Variants in ITPR3 observed in about 807,000 individuals in gnomAD.
ITPR3 encodes inositol 1,4,5-trisphosphate-gated calcium channel ITPR3.
Under a neutral mutation model 293.2 loss-of-function variants are expected in ITPR3, and 173 were observed. That is an observed-to-expected ratio of 0.59 (90% CI 0.52 to 0.67). The LOEUF (loss-of-function observed/expected upper bound fraction) is 0.67, where lower values mean the gene tolerates loss of function less well. Among genes scored for constraint, ITPR3 ranks in the 30% least tolerant of loss-of-function variants. The pLI is 0.00. For missense variants in ITPR3, 2,796 were observed against 3,592.1 expected (o/e 0.78, Z 5.66); for synonymous variants, 1,295 against 1,444.4 (o/e 0.90, Z 2.35).
rs1764552310 is a variant in ITPR3 at position 33,664,232 on chromosome 6, C to T, written c.1148+352C>T. Among the ~76,000 whole-genome samples the T allele has an allele frequency of 6.6e-6, 1 of 152,164 alleles. No individual in the cohort carries two copies. The highest frequency in any genetic ancestry group is 2.1e-4 in the South Asian group (1 of 4,814). Reference sequence around the variant, plus strand: ...CCAACCCCGAGATTCTAGGACGGAACATCAAGAAACTTCTCAAGTGTCAGT... The same window carrying T: ...CCAACCCCGAGATTCTAGGACGGAATATCAAGAAACTTCTCAAGTGTCAGT... On this transcript the variant is annotated intron_variant, in intron 11 of 57. Coordinates refer to ENST00000605930, the MANE Select transcript of ITPR3 (RefSeq NM_002224.4). This position sits in a 1 kb window ranked among gnomAD's most constrained non-coding sequence, Gnocchi z 4.4.
rs910197851 is a variant in ITPR3 at position 33,688,189 on chromosome 6, G to A, written c.6375+22G>A. On this transcript the variant is annotated intron_variant, in intron 47 of 57. Coordinates refer to ENST00000605930, the MANE Select transcript of ITPR3 (RefSeq NM_002224.4). ...CGAGGTGGGCCTGTGGGCAGCAGGG[G>A]CGGGCGTGGGAGCCTGCGCCGGGCG... 5 of 1,613,778 alleles carry A rather than the reference G, an allele frequency of 3.1e-6. No homozygotes were observed. The African/African-American group carries it at 6.7e-5, about 22-fold the overall frequency.
rs1351510100 is a variant in ITPR3 at position 33,683,615 on chromosome 6, C to T, written c.4788+218C>T. Among the ~76,000 whole-genome samples the T allele has an allele frequency of 6.6e-6, 1 of 152,190 alleles. No individual in the cohort carries two copies. The highest frequency in any genetic ancestry group is 1.5e-5 in the Non-Finnish European group (1 of 68,020). ...CCTTCCAGAGGAAGCCTGGAGAACC[C>T]AGAGGCCTGCTAGTGGGGTTGGAGC... On this transcript the variant is annotated intron_variant, in intron 35 of 57. Transcript: ENST00000605930. The surrounding 1 kb of genome is among the most constrained non-coding windows in gnomAD (Gnocchi z 4.5).
chr6:33,684,883 C>G lies in ITPR3; in HGVS notation c.5247C>G (p.Ile1749Met). 6.2e-7 allele frequency: 1 copy of G among 1,614,098 alleles called. No individual in the cohort carries two copies. ...DLITSTKNEK[I>M]FQESIGLAIH... ...TCACCAGCACCAAGAACGAGAAGAT[C>G]TTCCAGGAGAGCATCGGCCTGGCCA... The change falls in exon 39 of 58, where the codon ATC (isoleucine) becomes ATG (methionine). Residue 1749 changes from isoleucine to methionine, a missense_variant. This residue lies in a region of ITPR3 where 704 missense variants were observed against 797.5 expected (regional missense o/e 0.88). Transcript: ENST00000605930. The surrounding 1 kb of genome is among the most constrained non-coding windows in gnomAD (Gnocchi z 4.2).
intron 2 of ITPR3, among the ~76,000 whole-genome samples, chr6:33,652,180 C>T (rs544161668): frequency 6.6e-6 from 1 of 152,290 alleles, no homozygotes; most frequent in Admixed American, 6.5e-5. Context: ...TCTAGATGCG[C>T]CATATCCTCT....
Position 33,678,673 on chromosome 6 carries a change from T to C in ITPR3, c.3806T>C (p.Leu1269Pro). 6.2e-7 allele frequency: 1 copy of C among 1,613,058 alleles called. No individual in the cohort carries two copies. The highest frequency in any genetic ancestry group is 8.5e-7 in the Non-Finnish European group (1 of 1,179,802). Reference protein sequence around the residue: ...LEAETMQHIFLNNYQLCSEIS... With the variant: ...LEAETMQHIFPNNYQLCSEIS... ...GCAGAGACCATGCAGCACATCTTCC[T>C]GAACAACTATCAGCTCTGCTCCGAG... is the stretch of plus-strand genomic sequence containing the variant. Residue 1269 changes from leucine (L) to proline (P), a missense_variant, in exon 30 of 58, where the codon CTG (leucine) becomes CCG (proline). By Grantham distance (98) the Leu-to-Pro change is moderately conservative (BLOSUM62 -3). Transcript: ENST00000605930.
At chr6:33,634,291 G>T (rs896309162) in intron 1 of ITPR3, among the ~76,000 whole-genome samples, 1 of 152,102 alleles carries the variant, frequency 6.6e-6, no homozygotes. Flanking sequence ...AAACAAGGAA[G>T]GCAAGGTGGC....
intron 1 of ITPR3, among the ~76,000 whole-genome samples, chr6:33,627,900 C>G (rs115764492): frequency 0.01 from 1,550 of 152,292 alleles, 17 homozygotes; most frequent in African/African-American, 0.026. Context: ...TTGGCTCAGC[C>G]TAGAACCAGT....
chr6:33,650,042 G>A (rs1764151986), intron 2 of ITPR3, among the ~76,000 whole-genome samples: 1 of 152,092 alleles, frequency 6.6e-6, no homozygotes, highest in Non-Finnish European at 1.5e-5. Flanking sequence ...ACACACCCCG[G>A]GACACACAAT....
At chr6:33,677,436 T>C in intron 27 of ITPR3, 68 bp from the exon 28 acceptor site, 3 of 1,588,826 alleles carry the variant, frequency 1.9e-6, no homozygotes, top group Non-Finnish European at 2.6e-6. Flanking sequence ...AACTTGGCTG[T>C]GGTGGGCTGG....
At chr6:33,674,135 G>A (rs1209039494) in intron 23 of ITPR3, 73 bp from the exon 24 acceptor site, 7 of 1,559,664 alleles carry the variant, frequency 4.5e-6, no homozygotes, top group African/African-American at 2.7e-5. Context: ...AGGGTGGTTT[G>A]AGTGTCTCCC....
In ITPR3 at chr6:33,669,134, G is replaced by A. The variant is rs778326328; in HGVS notation, c.2167G>A (p.Glu723Lys). Residue 723 changes from glutamate (E) to lysine (K), a missense_variant, in exon 18 of 58, where the codon GAG becomes AAG. Transcript: ENST00000605930. The stretch of plus-strand genomic sequence containing the variant: ...GGCGCGGGCCGGCAACGCCCACGAC[G>A]AGAATGTGCTCAGCTACTACAGGTG... ...QEARAGNAHD[E>K]NVLSYYRYQL... The A allele has an allele frequency of 8.7e-6, 14 of 1,613,946 alleles. No homozygotes were observed. The highest frequency in any genetic ancestry group is 1.3e-5 in the African/African-American group (1 of 75,052).
Position 33,689,427 on chromosome 6 carries a change from GC to G in ITPR3, c.6867+22del. On this transcript the variant is annotated intron_variant, in intron 50 of 57. Transcript: ENST00000605930. ...GCCCTCAATGTGAGTGCCAGAGGGA[GC>G]CCCCATTCCCAAACAAGCTCATGCT... The G allele has an allele frequency of 6.2e-7, 1 of 1,602,282 alleles. No individual in the cohort carries two copies.
chr6:33,664,084 G>A lies in ITPR3; in HGVS notation c.1148+204G>A, dbSNP rs190234922. On this transcript the variant is annotated intron_variant, in intron 11 of 57. Transcript: ENST00000605930. This position sits in a 1 kb window ranked among gnomAD's most constrained non-coding sequence, Gnocchi z 4.4. Reference sequence around the variant, plus strand: ...ATTGCATGCCTGCCTGGTGCCTGGCGCCTGCCCCAGTTGGTCTGGGTGCTC... The same window carrying A: ...ATTGCATGCCTGCCTGGTGCCTGGCACCTGCCCCAGTTGGTCTGGGTGCTC... Among the ~76,000 whole-genome samples, 32 of 152,246 alleles carry A rather than the reference G, an allele frequency of 2.1e-4. No homozygotes were observed. The highest frequency in any genetic ancestry group is 7.0e-4 in the African/African-American group (29 of 41,556).
intron 1 of ITPR3, among the ~76,000 whole-genome samples, chr6:33,623,963 A>C (rs1489635565): frequency 6.6e-6 from 1 of 152,148 alleles, no homozygotes; most frequent in Non-Finnish European, 1.5e-5. Context: ...TCACCTTCCC[A>C]TACCTGGAAC....
In ITPR3 at chr6:33,666,218, G is replaced by A. The variant is rs1764606186; in HGVS notation, c.1551+242G>A. ...AGCTGAAACACAGGCCAGAGTCGCT[G>A]TCCCAGGGCTCACAGCTAGGAAGCG... is the stretch of plus-strand genomic sequence containing the variant. On this transcript the variant is annotated intron_variant, in intron 14 of 57. Coordinates refer to ENST00000605930, the MANE Select transcript of ITPR3 (RefSeq NM_002224.4). The surrounding 1 kb of genome is among the most constrained non-coding windows in gnomAD (Gnocchi z 5.1). Among the ~76,000 whole-genome samples, 1 of 151,878 alleles carries A rather than the reference G, an allele frequency of 6.6e-6. No homozygotes were observed. The highest frequency in any genetic ancestry group is 6.6e-5 in the Admixed American group (1 of 15,256).
At position 33,654,017 on chromosome 6, in the gene ITPR3, C is replaced by CA. The variant is rs1764251824; in HGVS notation, c.161-1748dup. On this transcript the variant is annotated intron_variant, in intron 2 of 57. Transcript: ENST00000605930. This position sits in a 1 kb window ranked among gnomAD's most constrained non-coding sequence, Gnocchi z 4.1. ...GCGTGGTGGCTCACGCCTGTAATCC[C>CA]AGCACTTTTGTAGGCCGAAGTGGGT... Among the ~76,000 whole-genome samples the CA allele has an allele frequency of 6.6e-6, 1 of 152,298 alleles. No individual in the cohort carries two copies. The highest frequency in any genetic ancestry group is 2.1e-4 in the South Asian group (1 of 4,830).
intron 2 of ITPR3, among the ~76,000 whole-genome samples, chr6:33,643,150 T>A (rs184247175): frequency 6.4e-4 from 97 of 152,210 alleles, no homozygotes; most frequent in South Asian, 1.9e-3. Flanking sequence ...GGGGGTGGGG[T>A]TATGGCAGGC....
chr6:33,683,717 G>C lies in ITPR3; in HGVS notation c.4789-303G>C, dbSNP rs1014547889. 6.6e-6 allele frequency among the ~76,000 whole-genome samples: 1 copy of C among 152,202 alleles called. No individual in the cohort carries two copies. The highest frequency in any genetic ancestry group is 1.5e-5 in the Non-Finnish European group (1 of 68,032). ...GCAGCACATTTCTGTGCGCTGTCTCGTTGGCCTGTAGAGGGGGTGTGGTGG... is the reference window on the plus strand; with the variant it reads ...GCAGCACATTTCTGTGCGCTGTCTCCTTGGCCTGTAGAGGGGGTGTGGTGG... On this transcript the variant is annotated intron_variant, in intron 35 of 57. Coordinates refer to ENST00000605930, the MANE Select transcript of ITPR3 (RefSeq NM_002224.4). The surrounding 1 kb of genome is among the most constrained non-coding windows in gnomAD (Gnocchi z 4.5).
Position 33,658,339 on chromosome 6 carries a change from C to T in ITPR3, c.369+321C>T, listed in dbSNP as rs62407649. ...GGGCAAGTTACCTAACGTCCCCTGG[C>T]GCCTTGGTTTCCCCATCTGTGAAAT... On this transcript the variant is annotated intron_variant, in intron 4 of 57. Coordinates refer to ENST00000605930, the MANE Select transcript of ITPR3 (RefSeq NM_002224.4). This position sits in a 1 kb window ranked among gnomAD's most constrained non-coding sequence, Gnocchi z 6.1. Among the ~76,000 whole-genome samples, 4 of 151,922 alleles carry T rather than the reference C, an allele frequency of 2.6e-5. No individual in the cohort carries two copies. The highest frequency in any genetic ancestry group is 4.9e-5 in the African/African-American group (2 of 41,172).
Sources: gnomAD v4.1 joint callset for allele counts (sites outside exome capture counted in the v4.1 genomes callset) on GRCh38, gnomAD v4.1.1 for gene constraint, gnomAD v4.1.1 regional missense constraint, Gnocchi (gnomAD v3.1) non-coding constraint, MANE v1.5 for transcripts, NCBI Gene and HGNC (gene_info 2026-07-23, HGNC 2026-07-21) for gene names.